Variants in HPS3 observed in about 807,000 individuals in gnomAD.
HPS3 encodes HPS3 biogenesis of lysosomal organelles complex 2 subunit 1.
In HPS3, 79 loss-of-function variants were observed where a neutral mutation model predicts 110.9. That is an observed-to-expected ratio of 0.71 (90% CI 0.59 to 0.86). The LOEUF is 0.86. HPS3 is among the 40% of genes least tolerant of loss of function. HPS3 has a pLI of 0.00. For missense variants in HPS3, 1,197 were observed against 1,206.2 expected, an observed-to-expected ratio of 0.99 and a Z score of 0.11; for synonymous variants, 428 against 451.0, an observed-to-expected ratio of 0.95 and a Z score of 0.65.
chr3:149,169,038 C>CGTGTGTGTGTGT (rs34076994), intron 16 of HPS3, among the ~76,000 whole-genome samples: 2,306 of 149,800 alleles, frequency 0.015, 54 homozygotes, highest in African/African-American at 0.053. Context: ...TGTGTGCATA[C>CGTGTGTGTGTGT]GTGTGTGTGT....
At chr3:149,137,214 TAAGAA>T (rs1722164780) in intron 1 of HPS3, among the ~76,000 whole-genome samples, 6 of 151,944 alleles carry the variant, frequency 3.9e-5, no homozygotes, top group Admixed American at 2.0e-4. Context: ...GCAAAAAACA[TAAGAA>T]AAGATGCTCA....
chr3:149,132,287 G>A (rs1721828373), intron 1 of HPS3, among the ~76,000 whole-genome samples: 1 of 152,208 alleles, frequency 6.6e-6, no homozygotes, highest in African/African-American at 2.4e-5. Context: ...GATAATGCCT[G>A]GCTTCAAAGA....
intron 11 of HPS3, among the ~76,000 whole-genome samples, chr3:149,160,700 T>A (rs1351738134): frequency 6.6e-6 from 1 of 152,010 alleles, no homozygotes; most frequent in Non-Finnish European, 1.5e-5. Context: ...CTTGGGAAAA[T>A]CACAGATTAA....
chr3:149,168,185 T>C, intron 16 of HPS3: 1 of 556,706 alleles, frequency 1.8e-6, no homozygotes, highest in Non-Finnish European at 3.3e-6. Context: ...ACTGATGTTC[T>C]TTTAACTTAA....
At chr3:149,136,035 T>C (rs1471662715) in intron 1 of HPS3, among the ~76,000 whole-genome samples, 1 of 152,120 alleles carries the variant, frequency 6.6e-6, no homozygotes, top group African/African-American at 2.4e-5. Context: ...AAGGGAAAGT[T>C]TACTTATTTT....
chr3:149,162,404 G>A (rs1025582844), intron 12 of HPS3, 71 bp downstream of exon 12: 2 of 1,371,470 alleles, frequency 1.5e-6, no homozygotes, highest in Admixed American at 1.7e-5. Context: ...GACAGAATAA[G>A]AGAAGTGAGT....
In HPS3 at chr3:149,157,479, C is replaced by G. The variant is rs1481436085; in HGVS notation, c.1639C>G (p.Leu547Val). ...GCTGGAACCTGGAGAGAAGGCAGAG[C>G]TTTTGGAAGCATTTAAGGAAAGCTG... ...SQLEPGEKAE[L>V]LEAFKESCGH... The change falls in exon 9 of 17, where the codon CTT (leucine) becomes GTT (valine). Residue 547 changes from leucine to valine, a missense_variant. By Grantham distance (32) the Leu-to-Val change is conservative (BLOSUM62 1). Coordinates refer to ENST00000296051, the MANE Select transcript of HPS3 (RefSeq NM_032383.5). 2 of 1,613,890 alleles carry G rather than the reference C, an allele frequency of 1.2e-6. No individual in the cohort carries two copies. Among genetic ancestry groups the G allele is most frequent in the Admixed American group, 3.3e-5 (2 of 59,980 alleles).
intron 11 of HPS3, among the ~76,000 whole-genome samples, 159 bp from the exon 12 acceptor site, chr3:149,161,989 T>C (rs1723907879): frequency 6.6e-6 from 1 of 152,218 alleles, no homozygotes; most frequent in African/African-American, 2.4e-5. Context: ...GTGGTGTCCT[T>C]TGGATAAGAA....
chr3:149,141,390 A>G lies in HPS3; in HGVS notation c.970+10A>G. ...CCCATTTACCAGACCGGTAAGCATG[A>G]CAGTGCAGGAGTGCGACAGTGCAGC... is the stretch of plus-strand genomic sequence containing the variant. On this transcript the variant is annotated intron_variant, in intron 4 of 16. Coordinates refer to ENST00000296051, the MANE Select transcript of HPS3 (RefSeq NM_032383.5). 6.2e-7 allele frequency: 1 copy of G among 1,604,616 alleles called. No individual in the cohort carries two copies. Among genetic ancestry groups the G allele is most frequent in the Non-Finnish European group, 8.5e-7 (1 of 1,171,298 alleles).
chr3:149,148,701 G>A (rs1041236122), intron 5 of HPS3, among the ~76,000 whole-genome samples: 13 of 151,770 alleles, frequency 8.6e-5, no homozygotes, highest in Admixed American at 1.3e-4. Context: ...CACCATGCCC[G>A]GCCATTTTTT....
chr3:149,166,448 G>A (rs924094310), intron 14 of HPS3, among the ~76,000 whole-genome samples: 3 of 152,226 alleles, frequency 2.0e-5, no homozygotes, highest in Admixed American at 1.3e-4. Context: ...CAGTATTTCT[G>A]TATGTGCATT....
At chr3:149,157,327 T>C in intron 8 of HPS3, 23 bp from the exon 9 acceptor site, 1 of 1,602,552 alleles carries the variant, frequency 6.2e-7, no homozygotes, top group Non-Finnish European at 8.5e-7. Context: ...TCAGCAACAT[T>C]AGTGTTTGTC....
intron 7 of HPS3, 66 bp downstream of exon 7, chr3:149,153,714 G>C: frequency 4.7e-6 from 7 of 1,497,676 alleles, no homozygotes; most frequent in Non-Finnish European, 6.5e-6. Context: ...GGTATATTTT[G>C]TGTTTATCTT....
At chr3:149,150,323 A>T (rs147572229) in intron 5 of HPS3, among the ~76,000 whole-genome samples, 2 of 152,296 alleles carry the variant, frequency 1.3e-5, no homozygotes, top group African/African-American at 2.4e-5. Context: ...TCAGAGTCAC[A>T]TATGGAGTTT....
chr3:149,141,856 A>T (rs1423662865), intron 4 of HPS3, among the ~76,000 whole-genome samples: 1 of 144,892 alleles, frequency 6.9e-6, no homozygotes, highest in East Asian at 2.0e-4. Context: ...ATTATTTATT[A>T]TTTTTTTTCT....
chr3:149,160,688 C>T (rs1306590856), intron 11 of HPS3, among the ~76,000 whole-genome samples: 5 of 152,098 alleles, frequency 3.3e-5, no homozygotes, highest in East Asian at 1.9e-4. Flanking sequence ...AAATAGCCCC[C>T]GCTTGGGAAA....
intron 11 of HPS3, among the ~76,000 whole-genome samples, chr3:149,161,921 C>CA (rs1417024845): frequency 2.0e-5 from 3 of 152,204 alleles, no homozygotes; most frequent in South Asian, 2.1e-4. Flanking sequence ...AAGCTCTCTA[C>CA]AAAAAATAGG....
chr3:149,165,702 G>A (rs922509518), intron 14 of HPS3, among the ~76,000 whole-genome samples: 3 of 152,140 alleles, frequency 2.0e-5, no homozygotes, highest in African/African-American at 7.2e-5. Context: ...GGTAGTTGAA[G>A]TTATGACTAC....
chr3:149,172,951 T>C lies in HPS3; in HGVS notation c.*729T>C, dbSNP rs1725150556. The stretch of plus-strand genomic sequence containing the variant: ...ATGTGAAAATAAAGAAATACATCAT[T>C]GTATTCACAACCATGTGTCTTCATT... On this transcript the variant is annotated 3_prime_UTR_variant, in exon 17 of 17. Transcript: ENST00000296051. 1 of 152,680 alleles carries C rather than the reference T, an allele frequency of 6.5e-6. No homozygotes were observed. Among genetic ancestry groups the C allele is most frequent in the Non-Finnish European group, 1.5e-5 (1 of 68,042 alleles). The allele number at this position is 152,680 out of a possible 1,614,324, so 9.5% of individuals were successfully genotyped here. A position where few individuals can be genotyped will look rare whatever the true frequency, so the allele number is the denominator to read the frequency against.
Sources: gnomAD v4.1 joint callset for allele counts (sites outside exome capture counted in the v4.1 genomes callset) on GRCh38, gnomAD v4.1.1 for gene constraint, MANE v1.5 for transcripts, NCBI Gene and HGNC (gene_info 2026-07-23, HGNC 2026-07-21) for gene names.